THSD7B: variants seen among roughly 807,000 people sequenced by gnomAD.
THSD7B encodes the protein thrombospondin type 1 domain containing 7B.
THSD7B carries 138 observed loss-of-function variants against 213.6 expected under a neutral mutation model. That is an observed-to-expected ratio of 0.65 (90% CI 0.56 to 0.74). The LOEUF is 0.74. THSD7B is among the 30% of genes least tolerant of loss of function. The pLI is 0.00. For synonymous variants in THSD7B, 742 were observed against 687.0 expected, an observed-to-expected ratio of 1.08 and a Z score of -1.25; for missense variants, 1,931 against 1,991.5, an observed-to-expected ratio of 0.97 and a Z score of 0.58.
intron 12 of THSD7B, among the ~76,000 whole-genome samples, chr2:137,384,612 GT>G (rs1284162910): frequency 6.6e-6 from 1 of 152,174 alleles, no homozygotes; most frequent in East Asian, 1.9e-4. Context: ...TCAATCTCCT[GT>G]TTAGAATCTT....
chr2:136,988,018 T>C (rs1685698597), intron 2 of THSD7B, among the ~76,000 whole-genome samples: 1 of 152,228 alleles, frequency 6.6e-6, no homozygotes, highest in Non-Finnish European at 1.5e-5. Flanking sequence ...TGAAATATAA[T>C]ATGCATTCCA....
At chr2:137,425,939 A>G (rs1304443864) in intron 14 of THSD7B, among the ~76,000 whole-genome samples, 1 of 152,152 alleles carries the variant, frequency 6.6e-6, no homozygotes, top group South Asian at 2.1e-4. Context: ...TATCCTAAAT[A>G]CTCCACCAAA....
At chr2:136,950,979 G>T (rs189017212) in intron 2 of THSD7B, among the ~76,000 whole-genome samples, 1 of 152,136 alleles carries the variant, frequency 6.6e-6, no homozygotes, top group Non-Finnish European at 1.5e-5. Flanking sequence ...AGACTCCCAC[G>T]TTTGGTGGCT....
At chr2:137,655,930 G>T (rs1683228214) in intron 22 of THSD7B, among the ~76,000 whole-genome samples, 1 of 152,098 alleles carries the variant, frequency 6.6e-6, no homozygotes, top group African/African-American at 2.4e-5. Flanking sequence ...GGGGTATGTA[G>T]TCTAGCCCCT....
intron 7 of THSD7B, among the ~76,000 whole-genome samples, chr2:137,208,206 C>T (rs10048826): frequency 0.59 from 90,320 of 151,820 alleles, 27,252 homozygotes; most frequent in South Asian, 0.71. Flanking sequence ...CTTCTTTTAA[C>T]CTATAACTAA....
At chr2:137,604,411 T>C (rs1051518682) in intron 17 of THSD7B, among the ~76,000 whole-genome samples, 2 of 152,198 alleles carry the variant, frequency 1.3e-5, no homozygotes, top group Admixed American at 1.3e-4. Context: ...TGAGCTCAGA[T>C]GTGTGATCTA....
At chr2:137,186,697 C>CT (rs1309315133) in intron 7 of THSD7B, among the ~76,000 whole-genome samples, 2 of 152,038 alleles carry the variant, frequency 1.3e-5, no homozygotes, top group East Asian at 1.9e-4. Context: ...TATTAGGACT[C>CT]TTTTTTGGTT....
intron 9 of THSD7B, among the ~76,000 whole-genome samples, chr2:137,238,534 C>CTTT (rs869146863): frequency 0.077 from 3,985 of 51,806 alleles, 1,152 homozygotes; most frequent in Non-Finnish European, 0.091. Context: ...ACTCATCTTT[C>CTTT]TTTTTTTTTT....
chr2:137,050,436 T>C (rs1266726777), intron 2 of THSD7B, among the ~76,000 whole-genome samples: 1 of 152,238 alleles, frequency 6.6e-6, no homozygotes, highest in Non-Finnish European at 1.5e-5. Flanking sequence ...ATTTTGCTTT[T>C]CAGTCAGAGG....
chr2:137,029,287 C>T (rs1240379145), intron 2 of THSD7B, among the ~76,000 whole-genome samples: 1 of 151,932 alleles, frequency 6.6e-6, no homozygotes, highest in African/African-American at 2.4e-5. Flanking sequence ...CCATTTTGGC[C>T]AGGCTGGTCT....
chr2:137,406,143 C>T (rs1191611872), intron 13 of THSD7B, among the ~76,000 whole-genome samples: 2 of 152,140 alleles, frequency 1.3e-5, no homozygotes, highest in Non-Finnish European at 2.9e-5. Context: ...GCCAGGATCT[C>T]AGTGAGCTTG....
intron 3 of THSD7B, among the ~76,000 whole-genome samples, chr2:137,057,459 T>C (rs1010940168): frequency 6.7e-6 from 1 of 148,592 alleles, no homozygotes; most frequent in African/African-American, 2.5e-5. Context: ...AATGCAATTA[T>C]ATATATAGGA....
At chr2:136,920,777 TC>T (rs1684423009) in intron 2 of THSD7B, among the ~76,000 whole-genome samples, 2 of 151,818 alleles carry the variant, frequency 1.3e-5, no homozygotes, top group South Asian at 4.2e-4. Context: ...TGCCCTCAGC[TC>T]CCCTGGCCTG....
chr2:137,541,359 G>A (rs113990345), intron 15 of THSD7B, among the ~76,000 whole-genome samples: 3 of 151,554 alleles, frequency 2.0e-5, no homozygotes, highest in African/African-American at 7.3e-5. Context: ...ACTGTCTGAG[G>A]AAGCTGGGAT....
chr2:137,659,864 T>C (rs963736348), intron 25 of THSD7B, 118 bp downstream of exon 25: 5 of 825,892 alleles, frequency 6.1e-6, no homozygotes, highest in Non-Finnish European at 9.1e-6. Flanking sequence ...CATGATACCA[T>C]CTAGAGGCAT....
chr2:136,873,955 T>C (rs1035847395), intron 1 of THSD7B, among the ~76,000 whole-genome samples: 2 of 152,216 alleles, frequency 1.3e-5, no homozygotes, highest in Non-Finnish European at 2.9e-5. Context: ...TTTGCTGAGA[T>C]GGCCTTGGAA....
chr2:136,833,803 A>G (rs997234367), intron 1 of THSD7B, among the ~76,000 whole-genome samples: 2 of 152,174 alleles, frequency 1.3e-5, no homozygotes, highest in African/African-American at 4.8e-5. Flanking sequence ...GAAGAAGATG[A>G]AAAAGGTTTG....
At chr2:137,222,081 A>G (rs1318081045) in intron 7 of THSD7B, among the ~76,000 whole-genome samples, 1 of 152,230 alleles carries the variant, frequency 6.6e-6, no homozygotes, top group Non-Finnish European at 1.5e-5. Flanking sequence ...TCATTTTTCT[A>G]TTTGGAATGT....
chr2:137,091,533 A>G (rs1687948817), intron 3 of THSD7B, among the ~76,000 whole-genome samples: 2 of 146,834 alleles, frequency 1.4e-5, no homozygotes, highest in Admixed American at 1.3e-4. Context: ...TCATTCATTC[A>G]TTCATTCATT....
Sources: allele counts gnomAD v4.1 joint callset (sites outside exome capture counted in the v4.1 genomes callset), GRCh38; gene constraint gnomAD v4.1.1; transcripts MANE v1.5; gene names NCBI Gene and HGNC (gene_info 2026-07-23, HGNC 2026-07-21).